ADCY3: variants seen among roughly 807,000 people sequenced by gnomAD.
ADCY3 encodes adenylate cyclase 3.
ADCY3 carries 70 observed loss-of-function variants against 119.4 expected under a neutral mutation model. The observed-to-expected ratio is 0.59, with a 90% CI of 0.48 to 0.72. ADCY3 has a LOEUF of 0.72. ADCY3 is among the 30% of genes least tolerant of loss of function. ADCY3 has a pLI of 0.00. For missense variants in ADCY3, 1,238 were observed against 1,541.6 expected (o/e 0.80, Z 3.30); for synonymous variants, 672 against 621.4 (o/e 1.08, Z -1.21).
At chr2:24,858,032 G>A (rs1303978905) in intron 3 of ADCY3, among the ~76,000 whole-genome samples, 4 of 135,994 alleles carry the variant, frequency 2.9e-5, no homozygotes, top group South Asian at 2.2e-4. Context: ...ACAGGGTCCC[G>A]CTGTCTCCCA....
intron 2 of ADCY3, among the ~76,000 whole-genome samples, chr2:24,888,159 G>A (rs1387489461): frequency 2.0e-5 from 3 of 152,242 alleles, no homozygotes; most frequent in Non-Finnish European, 4.4e-5. Flanking sequence ...AAACACATTC[G>A]GAACATCAAA....
At chr2:24,846,904 T>C (rs1055185191) in intron 3 of ADCY3, among the ~76,000 whole-genome samples, 14 of 152,230 alleles carry the variant, frequency 9.2e-5, no homozygotes, top group Admixed American at 2.6e-4. Context: ...TACAGGCTCA[T>C]AGGCAGAAGG....
intron 3 of ADCY3, among the ~76,000 whole-genome samples, chr2:24,855,885 A>G (rs1323607439): frequency 6.6e-6 from 1 of 152,088 alleles, no homozygotes; most frequent in East Asian, 1.9e-4. Flanking sequence ...AGAAGGAACC[A>G]CCCAAGCCCC....
chr2:24,859,612 A>T (rs1186511573), intron 3 of ADCY3, among the ~76,000 whole-genome samples: 1 of 152,184 alleles, frequency 6.6e-6, no homozygotes, highest in African/African-American at 2.4e-5. Context: ...AAGAGATACA[A>T]TCCAAGCTTA....
chr2:24,893,062 C>G (rs1456932650), intron 2 of ADCY3, among the ~76,000 whole-genome samples: 1 of 144,976 alleles, frequency 6.9e-6, no homozygotes, highest in Non-Finnish European at 1.5e-5. Flanking sequence ...GAGACTGGGC[C>G]TTGCTCTGTC....
At chr2:24,820,144 C>A in intron 21 of ADCY3, 30 bp from the exon 22 acceptor site, 1 of 1,065,402 alleles carries the variant, frequency 9.4e-7, no homozygotes, top group Non-Finnish European at 1.3e-6. Context: ...AAGAACGTGG[C>A]GTTACGGGGG....
chr2:24,866,985 G>A (rs966469619), intron 3 of ADCY3, among the ~76,000 whole-genome samples: 6 of 152,202 alleles, frequency 3.9e-5, no homozygotes, highest in African/African-American at 1.2e-4. Context: ...TAGAGGAAAG[G>A]AGCGAATGGG....
chr2:24,898,282 G>A lies in ADCY3; in HGVS notation c.675+20031C>T, dbSNP rs1386537414. Among the ~76,000 whole-genome samples, 2 of 152,064 alleles carry A rather than the reference G, an allele frequency of 1.3e-5. No individual in the cohort carries two copies. The highest frequency in any genetic ancestry group is 2.9e-5 in the Non-Finnish European group (2 of 68,008). ...CAGTTCGTGCGCCACAGAGGCCCCC[G>A]GGGAGGCTCGAGGACCGCCTTTCCA... is the stretch of plus-strand genomic sequence containing the variant. On this transcript the variant is annotated intron_variant, in intron 2 of 21. Transcript: ENST00000679454. The surrounding 1 kb of genome is among the most constrained non-coding windows in gnomAD (Gnocchi z 4.3).
At position 24,872,230 on chromosome 2, in the gene ADCY3, G is replaced by C. The variant is rs945280620; in HGVS notation, c.825+340C>G. Among the ~76,000 whole-genome samples the C allele has an allele frequency of 2.0e-5, 3 of 152,236 alleles. No homozygotes were observed. Among genetic ancestry groups the C allele is most frequent in the African/African-American group, 7.2e-5 (3 of 41,466 alleles). On this transcript the variant is annotated intron_variant, in intron 3 of 21. Transcript: ENST00000679454. This position sits in a 1 kb window ranked among gnomAD's most constrained non-coding sequence, Gnocchi z 4.4. ...CCTTGGTCCCGAGAAGGTCATCTGA[G>C]AAAGGAATGCAGGAAGTCATAGCTG...
At chr2:24,829,043 G>GT (rs1463665729) in intron 13 of ADCY3, among the ~76,000 whole-genome samples, 1 of 148,804 alleles carries the variant, frequency 6.7e-6, no homozygotes, top group Non-Finnish European at 1.5e-5. Flanking sequence ...TTGAGATGGA[G>GT]TCTCGCTCTG....
chr2:24,834,612 G>A lies in ADCY3; in HGVS notation c.1840C>T (p.Arg614Trp), dbSNP rs147621198. 90 of 1,614,062 alleles carry A rather than the reference G, an allele frequency of 5.6e-5. No individual in the cohort carries two copies. Among genetic ancestry groups the A allele is most frequent in the Middle Eastern group, 1.6e-4 (1 of 6,062 alleles). ...GTTTCCATCTCGGGGTCCATGAACCGCATGGACAAGAGGAAGGTGTTTCTC... is the reference window on the plus strand; with the variant it reads ...GTTTCCATCTCGGGGTCCATGAACCACATGGACAAGAGGAAGGTGTTTCTC... ...KKRNTFLLSMRFMDPEMETRY... is the reference protein window; with the variant it reads ...KKRNTFLLSMWFMDPEMETRY... Residue 614 changes from arginine (R) to tryptophan (W), a missense_variant, in exon 11 of 22, where the codon CGG becomes TGG. Physicochemically the swap from Arg to Trp is moderately radical, Grantham distance 101. Around this residue, in one of 7 missense-constraint regions of ADCY3, gnomAD observed 499 missense variants for 571.0 expected, o/e 0.87. Transcript: ENST00000679454. This position sits in a 1 kb window ranked among gnomAD's most constrained non-coding sequence, Gnocchi z 4.2.
intron 3 of ADCY3, among the ~76,000 whole-genome samples, chr2:24,865,846 A>G (rs1317916255): frequency 1.3e-5 from 2 of 152,128 alleles, no homozygotes; most frequent in Non-Finnish European, 2.9e-5. Context: ...GGGAAGGGAA[A>G]CACATTTAAG....
At chr2:24,821,073 C>T (rs1055690333) in intron 20 of ADCY3, 13 of 597,534 alleles carry the variant, frequency 2.2e-5, no homozygotes, top group African/African-American at 1.1e-4. Context: ...CAGATTTACT[C>T]GGCATGGTAG....
chr2:24,905,181 T>C (rs998013595), intron 2 of ADCY3, among the ~76,000 whole-genome samples: 1 of 151,458 alleles, frequency 6.6e-6, no homozygotes, highest in African/African-American at 2.4e-5. Flanking sequence ...TCTCCCAGGC[T>C]GGAGTGCAGT....
intron 3 of ADCY3, among the ~76,000 whole-genome samples, chr2:24,853,684 G>A (rs1309650760): frequency 6.6e-6 from 1 of 151,766 alleles, no homozygotes; most frequent in Non-Finnish European, 1.5e-5. Flanking sequence ...TGGCCAGCCT[G>A]GTGACCTCAG....
chr2:24,911,371 G>A (rs919255568), intron 2 of ADCY3, among the ~76,000 whole-genome samples: 4 of 151,466 alleles, frequency 2.6e-5, no homozygotes, highest in African/African-American at 7.3e-5. Context: ...ATCAGCCTGG[G>A]CGCTGTGGTT....
chr2:24,908,082 A>C (rs1335449951), intron 2 of ADCY3, among the ~76,000 whole-genome samples: 1 of 150,426 alleles, frequency 6.6e-6, no homozygotes, highest in African/African-American at 2.5e-5. Context: ...AGCACTTTGG[A>C]AGGCCAAGGT....
rs201035513 is a variant in ADCY3, at chr2:24,830,254, T to C, written c.2172+455A>G. Among the ~76,000 whole-genome samples the C allele has an allele frequency of 1.2e-4, 18 of 151,804 alleles. No homozygotes were observed. The East Asian group carries it at 3.3e-3, about 28-fold the overall frequency. ...TGGGGTTTCACCATGTTGGCCAGGC[T>C]GGTTTCGAACTCCTGACCTCGTGAT... On this transcript the variant is annotated intron_variant, in intron 13 of 21. Coordinates refer to ENST00000679454, the MANE Select transcript of ADCY3 (RefSeq NM_004036.5).
At position 24,820,707 on chromosome 2, in the gene ADCY3, T is replaced by C. The variant is rs754986592; in HGVS notation, c.3252+17A>G. On this transcript the variant is annotated intron_variant, in intron 21 of 21. Coordinates refer to ENST00000679454, the MANE Select transcript of ADCY3 (RefSeq NM_004036.5). The stretch of plus-strand genomic sequence containing the variant: ...ATGCCGAGTCTGAGCACGTGCCAGC[T>C]GTGCCACTGGACATACCTGAATGTT... The C allele has an allele frequency of 1.9e-6, 3 of 1,613,788 alleles. No individual in the cohort carries two copies. In the Admixed American group the frequency reaches 5.0e-5, roughly 27 times the overall value.
Sources: gnomAD v4.1 joint callset for allele counts (sites outside exome capture counted in the v4.1 genomes callset) on GRCh38, gnomAD v4.1.1 for gene constraint, gnomAD v4.1.1 regional missense constraint, Gnocchi (gnomAD v3.1) non-coding constraint, MANE v1.5 for transcripts, NCBI Gene and HGNC (gene_info 2026-07-23, HGNC 2026-07-21) for gene names.